The following GPBP1 variants were observed in gnomAD, a reference collection of about 807,000 sequenced individuals.
GPBP1 encodes the protein GC-rich promoter binding protein 1.
In GPBP1, 13 loss-of-function variants were observed where a neutral mutation model predicts 56.5. The observed-to-expected ratio is 0.23, with a 90% CI of 0.15 to 0.37. The LOEUF (loss-of-function observed/expected upper bound fraction) is 0.37, where lower values mean the gene tolerates loss of function less well. GPBP1 is among the 10% of genes least tolerant of loss of function. The pLI is 1.00. For synonymous variants in GPBP1, 204 were observed against 188.9 expected (o/e 1.08, Z -0.66); for missense variants, 477 against 572.3 (o/e 0.83, Z 1.70).
chr5:57,191,559 T>G (rs78752017), intron 2 of GPBP1, among the ~76,000 whole-genome samples: 18 of 11,972 alleles, frequency 1.5e-3, no homozygotes, highest in African/African-American at 9.1e-3. Flanking sequence ...TATCTTTAGG[T>G]TTTTTTTTTT....
At chr5:57,195,926 T>G (rs1754720941) in intron 2 of GPBP1, among the ~76,000 whole-genome samples, 1 of 121,288 alleles carries the variant, frequency 8.2e-6, no homozygotes, top group African/African-American at 3.3e-5. Context: ...TCACCTGAAC[T>G]AGAGAGGCGG....
At chr5:57,174,396 A>G (rs1049881221) in intron 1 of GPBP1, among the ~76,000 whole-genome samples, 185 bp downstream of exon 1, 4 of 146,614 alleles carry the variant, frequency 2.7e-5, no homozygotes, top group Admixed American at 1.4e-4. Context: ...CCCTCTAGGT[A>G]TTGACTCGGC....
At chr5:57,199,672 C>T (rs1270233990) in intron 2 of GPBP1, among the ~76,000 whole-genome samples, 1 of 152,112 alleles carries the variant, frequency 6.6e-6, no homozygotes, top group Non-Finnish European at 1.5e-5. Context: ...TTAGGTATAT[C>T]TCCTAATGCT....
intron 2 of GPBP1, among the ~76,000 whole-genome samples, chr5:57,198,123 T>C (rs1475143119): frequency 6.6e-6 from 1 of 152,200 alleles, no homozygotes; most frequent in Non-Finnish European, 1.5e-5. Flanking sequence ...GTTACTTCTT[T>C]TCAATCTCAT....
chr5:57,222,581 T>C (rs955996781), intron 3 of GPBP1, among the ~76,000 whole-genome samples: 3 of 152,186 alleles, frequency 2.0e-5, no homozygotes, highest in African/African-American at 7.2e-5. Context: ...TCATAGGAAA[T>C]TCATCTCTTT....
chr5:57,239,246 TACAGCTTGAC>T (rs1396676333), intron 6 of GPBP1, among the ~76,000 whole-genome samples: 1 of 152,234 alleles, frequency 6.6e-6, no homozygotes, highest in East Asian at 1.9e-4. Flanking sequence ...GACAGCTTGA[TACAGCTTGAC>T]CCAAGTACAT....
rs554000075 is a variant in GPBP1, at chr5:57,198,826, A to G, written c.-57-15248A>G. ...AGTGAGACTGTCTCAAATATTTATT[A>G]GTAATTATTTAACTCTTTTTGGTAC... On this transcript the variant is annotated intron_variant, in intron 2 of 11. Transcript: ENST00000506184. 8.5e-5 allele frequency among the ~76,000 whole-genome samples: 13 copies of G among 152,272 alleles called. No individual in the cohort carries two copies. In the South Asian group the frequency reaches 2.7e-3, roughly 32 times the overall value.
At chr5:57,226,385 T>A (rs1756189510) in intron 3 of GPBP1, among the ~76,000 whole-genome samples, 1 of 152,104 alleles carries the variant, frequency 6.6e-6, no homozygotes, top group South Asian at 2.1e-4. Context: ...AATTAAATGC[T>A]GTATAAGACC....
At chr5:57,189,278 C>T (rs1343310327) in intron 2 of GPBP1, among the ~76,000 whole-genome samples, 1 of 152,222 alleles carries the variant, frequency 6.6e-6, no homozygotes, top group Non-Finnish European at 1.5e-5. Context: ...GCCACCGTGC[C>T]CAGCTAATTT....
chr5:57,232,679 C>A (rs1337622155), intron 5 of GPBP1, among the ~76,000 whole-genome samples: 3 of 152,216 alleles, frequency 2.0e-5, no homozygotes, highest in Admixed American at 6.5e-5. Flanking sequence ...CCAATAGAAA[C>A]TGGACACAGC....
At chr5:57,234,532 A>G (rs1580054696) in intron 5 of GPBP1, among the ~76,000 whole-genome samples, 1 of 152,210 alleles carries the variant, frequency 6.6e-6, no homozygotes, top group African/African-American at 2.4e-5. Flanking sequence ...GAAGCCACGA[A>G]TTTGAGACCA....
intron 2 of GPBP1, among the ~76,000 whole-genome samples, chr5:57,200,802 C>G (rs939257865): frequency 6.6e-6 from 1 of 152,180 alleles, no homozygotes; most frequent in Non-Finnish European, 1.5e-5. Flanking sequence ...CTGCCTCAGG[C>G]TAACAAGTAG....
At chr5:57,200,961 A>G (rs1024854429) in intron 2 of GPBP1, among the ~76,000 whole-genome samples, 11 of 152,030 alleles carry the variant, frequency 7.2e-5, no homozygotes, top group Non-Finnish European at 1.2e-4. Context: ...TACAGGTGCA[A>G]GCCACCATGC....
At chr5:57,243,896 C>T (rs566642217) in intron 6 of GPBP1, among the ~76,000 whole-genome samples, 4 of 151,988 alleles carry the variant, frequency 2.6e-5, no homozygotes, top group Non-Finnish European at 5.9e-5. Context: ...ACTATATTGC[C>T]CAGGCTGGTC....
intron 6 of GPBP1, among the ~76,000 whole-genome samples, chr5:57,242,895 G>T (rs1475692286): frequency 1.3e-5 from 2 of 151,390 alleles, no homozygotes; most frequent in East Asian, 3.9e-4. Flanking sequence ...GATTAGAGAG[G>T]CCTGCCACCA....
Position 57,246,443 on chromosome 5 carries a change from T to G in GPBP1, c.622T>G (p.Tyr208Asp). The part of the protein sequence containing the change: ...PVKNGTGPSV[Y>D]KGLVPKPAAP... ...TAAGAATGGAACTGGTCCAAGTGTTTATAAAGGTTTAGTCCCTAAACCTGC... is the reference window on the plus strand; with the variant it reads ...TAAGAATGGAACTGGTCCAAGTGTTGATAAAGGTTTAGTCCCTAAACCTGC... The change falls in exon 7 of 12, where the codon TAT (tyrosine) becomes GAT (aspartate). Residue 208 changes from tyrosine to aspartate, a missense_variant. Tyr to Asp is a radical substitution (Grantham distance 160). This residue lies in a region of GPBP1 where 414 missense variants were observed against 458.2 expected (regional missense o/e 0.90). Transcript: ENST00000506184. 2 of 1,612,808 alleles carry G rather than the reference T, an allele frequency of 1.2e-6. No homozygotes were observed. The highest frequency in any genetic ancestry group is 1.7e-6 in the Non-Finnish European group (2 of 1,179,442).
rs1037378554 is a variant in GPBP1, at chr5:57,214,057, C to T, written c.-57-17C>T. The T allele has an allele frequency of 2.4e-6, 3 of 1,261,230 alleles. No homozygotes were observed. The highest frequency in any genetic ancestry group is 3.5e-6 in the Non-Finnish European group (3 of 863,336). 78.1% of individuals were successfully genotyped at this position (1,261,230 alleles called of 1,614,324 possible). A position where few individuals can be genotyped will look rare whatever the true frequency, so the allele number is the denominator to read the frequency against. Reference sequence around the variant, plus strand: ...CCAGGAGCTGCAGGTCTAATTCCTTCCATTTTTATGTGACAGGGACTTGCC... The same window carrying T: ...CCAGGAGCTGCAGGTCTAATTCCTTTCATTTTTATGTGACAGGGACTTGCC... On this transcript the variant is annotated splice_polypyrimidine_tract_variant and intron_variant, in intron 2 of 11. Transcript: ENST00000506184.
intron 2 of GPBP1, among the ~76,000 whole-genome samples, chr5:57,188,243 CA>C (rs34967736): frequency 0.023 from 3,224 of 138,672 alleles, 75 homozygotes; most frequent in East Asian, 0.14. Context: ...GAGACTGTCT[CA>C]AAAAAAAAAA....
chr5:57,220,937 T>G (rs1488420488), intron 3 of GPBP1, among the ~76,000 whole-genome samples: 1 of 152,252 alleles, frequency 6.6e-6, no homozygotes, highest in Non-Finnish European at 1.5e-5. Flanking sequence ...CATAGACTTT[T>G]GTTTACCCAC....
Sources: allele counts gnomAD v4.1 joint callset (sites outside exome capture counted in the v4.1 genomes callset), GRCh38; gene constraint gnomAD v4.1.1; regional missense constraint gnomAD v4.1.1; transcripts MANE v1.5; gene names NCBI Gene and HGNC (gene_info 2026-07-23, HGNC 2026-07-21).